The following UBE2H variants were observed in gnomAD, a reference collection of about 807,000 sequenced individuals.
UBE2H encodes ubiquitin-conjugating enzyme E2 H.
UBE2H carries 3 observed loss-of-function variants against 29.0 expected under a neutral mutation model. The observed-to-expected ratio is 0.10, with a 90% CI of 0.05 to 0.27. The LOEUF (loss-of-function observed/expected upper bound fraction) is 0.27, where lower values mean the gene tolerates loss of function less well. Ranked by LOEUF, UBE2H falls within the 10% of genes least tolerant of loss-of-function variation. The pLI, the probability that UBE2H is intolerant of heterozygous loss-of-function variation, is 1.00. For synonymous variants in UBE2H, 69 were observed against 82.9 expected (o/e 0.83, Z 0.91); for missense variants, 68 against 228.2 (o/e 0.30, Z 4.52).
At chr7:129,866,730 T>C (rs535441705) in intron 3 of UBE2H, among the ~76,000 whole-genome samples, 1 of 152,368 alleles carries the variant, frequency 6.6e-6, no homozygotes. Context: ...GTGTAACTGA[T>C]GTAACAATAC....
intron 1 of UBE2H, among the ~76,000 whole-genome samples, chr7:129,931,768 A>G (rs545176655): frequency 2.1e-4 from 32 of 152,100 alleles, no homozygotes; most frequent in African/African-American, 7.5e-4. Flanking sequence ...GCTAACTGCA[A>G]TGTGGAATCT....
chr7:129,870,002 TCTC>T lies in UBE2H; in HGVS notation c.205+9563_205+9565del, dbSNP rs1323200252. 5.3e-5 allele frequency among the ~76,000 whole-genome samples: 8 copies of T among 152,272 alleles called. No homozygotes were observed. The South Asian group carries it at 6.2e-4, about 12-fold the overall frequency. Reference sequence around the variant, plus strand: ...TTCTCTCCCTTTGTTCCCCTAACTCTCTCCTCTAGTTCTTTCACTAAATAGCCT... The same window carrying T: ...TTCTCTCCCTTTGTTCCCCTAACTCTCTCTAGTTCTTTCACTAAATAGCCT... On this transcript the variant is annotated intron_variant, in intron 3 of 6. Coordinates refer to ENST00000355621, the MANE Select transcript of UBE2H (RefSeq NM_003344.4).
In UBE2H at chr7:129,833,442, A is replaced by T. The variant is rs1805266892; in HGVS notation, c.*1495T>A. Reference sequence around the variant, plus strand: ...TGGCTGCGGCAAAAAAAGAACACAGAGCTGCTGTCTAAAATTTCTCCAAAC... The same window carrying T: ...TGGCTGCGGCAAAAAAAGAACACAGTGCTGCTGTCTAAAATTTCTCCAAAC... On this transcript the variant is annotated 3_prime_UTR_variant, in exon 7 of 7. Transcript: ENST00000355621. The T allele has an allele frequency of 1.3e-5, 2 of 152,234 alleles. No homozygotes were observed. Among genetic ancestry groups the T allele is most frequent in the South Asian group, 4.1e-4 (2 of 4,830 alleles). The allele number at this position is 152,234 out of a possible 1,614,324, so 9.4% of individuals were successfully genotyped here. A position where few individuals can be genotyped will look rare whatever the true frequency, so the allele number is the denominator to read the frequency against.
At chr7:129,902,938 GT>G (rs1462858307) in intron 1 of UBE2H, among the ~76,000 whole-genome samples, 1 of 152,156 alleles carries the variant, frequency 6.6e-6, no homozygotes, top group Non-Finnish European at 1.5e-5. Context: ...TGCAAGTATT[GT>G]TTCCATTATA....
intron 1 of UBE2H, among the ~76,000 whole-genome samples, chr7:129,905,853 A>C (rs1806805246): frequency 6.6e-6 from 1 of 152,138 alleles, no homozygotes. Flanking sequence ...AGCTACTCAG[A>C]AGGCCAAAGC....
chr7:129,880,214 T>A (rs915435817), intron 2 of UBE2H, among the ~76,000 whole-genome samples: 2 of 151,704 alleles, frequency 1.3e-5, no homozygotes, highest in Non-Finnish European at 2.9e-5. Context: ...ACAAAAAAAA[T>A]ACCAAAAAGG....
At chr7:129,899,929 ACCAGCCTAG>A (rs1806675301) in intron 1 of UBE2H, among the ~76,000 whole-genome samples, 1 of 152,160 alleles carries the variant, frequency 6.6e-6, no homozygotes, top group Admixed American at 6.5e-5. Context: ...GGAGTACGAG[ACCAGCCTAG>A]CCAATATGGC....
chr7:129,841,881 G>T (rs1386424982), intron 5 of UBE2H, among the ~76,000 whole-genome samples: 4 of 152,078 alleles, frequency 2.6e-5, no homozygotes, highest in Admixed American at 2.6e-4. Context: ...TCTGCAGTAA[G>T]ATTTTCACCA....
At chr7:129,874,738 A>T (rs1806113555) in intron 3 of UBE2H, among the ~76,000 whole-genome samples, 1 of 152,220 alleles carries the variant, frequency 6.6e-6, no homozygotes, top group Non-Finnish European at 1.5e-5. Flanking sequence ...AAATGCAACA[A>T]CGGAAGGGGG....
intron 1 of UBE2H, among the ~76,000 whole-genome samples, chr7:129,940,668 T>C (rs973878875): frequency 5.9e-5 from 9 of 152,184 alleles, no homozygotes; most frequent in African/African-American, 1.9e-4. Flanking sequence ...ATGGCTGCCA[T>C]GTAGGGCTTC....
At chr7:129,863,872 C>T (rs187899657) in intron 3 of UBE2H, among the ~76,000 whole-genome samples, 129 of 148,384 alleles carry the variant, frequency 8.7e-4, no homozygotes, top group African/African-American at 3.1e-3. Flanking sequence ...GGTGCAGCAC[C>T]TTGCTCACTG....
chr7:129,866,819 C>G (rs185855394), intron 3 of UBE2H, among the ~76,000 whole-genome samples: 1 of 152,320 alleles, frequency 6.6e-6, no homozygotes, highest in East Asian at 1.9e-4. Flanking sequence ...TACTTCATCT[C>G]TTTGCCTTTC....
Position 129,835,059 on chromosome 7 carries a change from A to C in UBE2H, c.430T>G (p.Tyr144Asp). 6.2e-7 allele frequency: 1 copy of C among 1,613,890 alleles called. No individual in the cohort carries two copies. Among genetic ancestry groups the C allele is most frequent in the Non-Finnish European group, 8.5e-7 (1 of 1,179,998 alleles). The part of the protein sequence containing the change: ...PEEYKQKIKE[Y>D]IQKYATEEAL... ...TCCTCCGTGGCGTATTTCTGGATGT[A>C]CTCTGCACGGGGTGGGAGAAAGACA... Residue 144 changes from tyrosine to aspartate, a missense_variant and splice_region_variant, in exon 7 of 7, where the codon TAC (tyrosine) becomes GAC (aspartate). Physicochemically the swap from Tyr to Asp is radical, Grantham distance 160 (BLOSUM62 -3). This residue lies in a region of UBE2H where 25 missense variants were observed against 32.4 expected (regional missense o/e 0.77). Transcript: ENST00000355621.
At chr7:129,835,189 A>G in intron 6 of UBE2H, 128 bp from the exon 7 acceptor site, 4 of 1,333,134 alleles carry the variant, frequency 3.0e-6, no homozygotes, top group Non-Finnish European at 4.1e-6. Context: ...CAAAGATGAC[A>G]GTAATCATGA....
At chr7:129,861,318 T>C (rs535836045) in intron 3 of UBE2H, among the ~76,000 whole-genome samples, 4 of 152,260 alleles carry the variant, frequency 2.6e-5, no homozygotes, top group South Asian at 2.1e-4. Context: ...CATATGCACA[T>C]AAATAAGAAA....
At position 129,833,082 on chromosome 7, in the gene UBE2H, CT is replaced by C. The variant is rs1805259939; in HGVS notation, c.*1854del. 2 of 152,470 alleles carry C rather than the reference CT, an allele frequency of 1.3e-5. No homozygotes were observed. The highest frequency in any genetic ancestry group is 4.2e-4 in the South Asian group (2 of 4,808). The allele number at this position is 152,470 out of a possible 1,614,324, so 9.4% of individuals were successfully genotyped here. ...TCAGTACGGTTAACTAACCACAGCC[CT>C]ACATCACTGCACTTTTTTTTTTTTT... On this transcript the variant is annotated 3_prime_UTR_variant, in exon 7 of 7. Coordinates refer to ENST00000355621, the MANE Select transcript of UBE2H (RefSeq NM_003344.4).
intron 1 of UBE2H, among the ~76,000 whole-genome samples, chr7:129,898,490 AAGG>A (rs1398124600): frequency 5.9e-5 from 9 of 152,238 alleles, no homozygotes; most frequent in African/African-American, 2.2e-4. Context: ...AGTTTCTCAC[AAGG>A]AGTAGTACTT....
chr7:129,851,694 C>T (rs940089850), intron 5 of UBE2H, among the ~76,000 whole-genome samples: 2 of 152,322 alleles, frequency 1.3e-5, no homozygotes, highest in Non-Finnish European at 2.9e-5. Context: ...TCATGTCCCA[C>T]GATCCAAAAA....
In UBE2H at chr7:129,886,767, TAAAAAAAAAAAAAA is replaced by T. The variant is rs79067201; in HGVS notation, c.54-5810_54-5797del. Among the ~76,000 whole-genome samples the T allele has an allele frequency of 5.9e-3, 423 of 72,062 alleles. 5 individuals carry two copies. Among genetic ancestry groups the T allele is most frequent in the African/African-American group, 0.022 (405 of 18,732 alleles). The allele number at this position is 72,062 out of a possible 152,430, so 47.3% of individuals were successfully genotyped here. A position where few individuals can be genotyped will look rare whatever the true frequency, so the allele number is the denominator to read the frequency against. On this transcript the variant is annotated intron_variant, in intron 1 of 6. Transcript: ENST00000355621. ...CACTACCTGGTTTTTTGTTTTTTGGTAAAAAAAAAAAAAAAAAAAAAAAAAAGATATGTCTGTTA... is the reference window on the plus strand; with the variant it reads ...CACTACCTGGTTTTTTGTTTTTTGGTAAAAAAAAAAAAGATATGTCTGTTA...
Sources: gnomAD v4.1 joint callset for allele counts (sites outside exome capture counted in the v4.1 genomes callset) on GRCh38, gnomAD v4.1.1 for gene constraint, gnomAD v4.1.1 regional missense constraint, MANE v1.5 for transcripts, NCBI Gene and HGNC (gene_info 2026-07-23, HGNC 2026-07-21) for gene names.